Variants in DACH1 observed in about 807,000 individuals in gnomAD.
DACH1 encodes the protein dachshund family transcription factor 1, also known as dachshund homolog 1.
DACH1 carries 12 observed loss-of-function variants against 54.2 expected under a neutral mutation model. The observed-to-expected ratio is 0.22, with a 90% CI of 0.14 to 0.36. The LOEUF is 0.36. Ranked by LOEUF, DACH1 falls within the 10% of genes least tolerant of loss-of-function variation. DACH1 has a pLI of 1.00. For missense variants in DACH1, 805 were observed against 929.8 expected, an observed-to-expected ratio of 0.87 and a Z score of 1.75; for synonymous variants, 386 against 366.2, an observed-to-expected ratio of 1.05 and a Z score of -0.62.
intron 1 of DACH1, among the ~76,000 whole-genome samples, chr13:71,782,220 C>T (rs941840199): frequency 3.9e-5 from 6 of 152,102 alleles, no homozygotes; most frequent in East Asian, 1.9e-4. Flanking sequence ...GCAGGTGGAT[C>T]GCTTGAGGTC....
intron 7 of DACH1, among the ~76,000 whole-genome samples, chr13:71,485,052 T>A (rs945851356): frequency 6.6e-6 from 1 of 151,526 alleles, no homozygotes; most frequent in Non-Finnish European, 1.5e-5. Flanking sequence ...GGAGACTCCG[T>A]CTTAAATTTA....
chr13:71,450,493 C>A (rs1874940761), intron 10 of DACH1, among the ~76,000 whole-genome samples: 1 of 152,068 alleles, frequency 6.6e-6, no homozygotes, highest in Non-Finnish European at 1.5e-5. Flanking sequence ...CCTTGGGGCT[C>A]CCTATTCCCT....
At chr13:71,817,814 CTTTTTTT>C (rs34031888) in intron 1 of DACH1, among the ~76,000 whole-genome samples, 1 of 119,088 alleles carries the variant, frequency 8.4e-6, no homozygotes, top group Non-Finnish European at 1.7e-5. Flanking sequence ...TTCTTTCTTC[CTTTTTTT>C]TTTTTTTTTT....
At chr13:71,607,678 T>C (rs1874974798) in intron 3 of DACH1, among the ~76,000 whole-genome samples, 1 of 152,036 alleles carries the variant, frequency 6.6e-6, no homozygotes, top group Non-Finnish European at 1.5e-5. Flanking sequence ...TGAAAGTGAC[T>C]ACTAAGTTAT....
At chr13:71,492,736 T>G (rs1340384631) in intron 6 of DACH1, among the ~76,000 whole-genome samples, 2 of 151,476 alleles carry the variant, frequency 1.3e-5, no homozygotes, top group Admixed American at 1.3e-4. Flanking sequence ...GTTCTGTGTG[T>G]GTGTGAGTGT....
At chr13:71,760,882 T>C (rs1885376110) in intron 1 of DACH1, among the ~76,000 whole-genome samples, 1 of 152,186 alleles carries the variant, frequency 6.6e-6, no homozygotes, top group African/African-American at 2.4e-5. Context: ...ATAACTTTTC[T>C]TTTTCATAAA....
intron 1 of DACH1, among the ~76,000 whole-genome samples, chr13:71,821,429 A>ATTTAAATTTAAATTTAAATTATAAGAT (rs1888181563): frequency 2.2e-4 from 29 of 131,222 alleles, no homozygotes; most frequent in African/African-American, 8.1e-4. Context: ...AAGATTTTAA[A>ATTTAAATTTAAATTTAAATTATAAGAT]TTTAAATTTA....
At chr13:71,520,984 T>C (rs1364050344) in intron 6 of DACH1, among the ~76,000 whole-genome samples, 1 of 152,044 alleles carries the variant, frequency 6.6e-6, no homozygotes, top group East Asian at 1.9e-4. Flanking sequence ...AGCTCTAAAC[T>C]CTACAGGTCC....
intron 10 of DACH1, among the ~76,000 whole-genome samples, chr13:71,467,655 A>G (rs1345019349): frequency 6.6e-6 from 1 of 152,116 alleles, no homozygotes; most frequent in African/African-American, 2.4e-5. Context: ...GTTAACAATG[A>G]CCTATAATAA....
intron 2 of DACH1, among the ~76,000 whole-genome samples, chr13:71,666,756 T>C (rs1879864808): frequency 6.6e-6 from 1 of 151,988 alleles, no homozygotes. Flanking sequence ...CCAAGGCAGG[T>C]GGGTCACCTG....
At chr13:71,612,102 A>C (rs1875376232) in intron 3 of DACH1, among the ~76,000 whole-genome samples, 1 of 152,162 alleles carries the variant, frequency 6.6e-6, no homozygotes, top group African/African-American at 2.4e-5. Context: ...GGAAAGTGAT[A>C]CATAACAAAG....
chr13:71,676,890 G>C (rs1255495936), intron 2 of DACH1, among the ~76,000 whole-genome samples: 1 of 152,146 alleles, frequency 6.6e-6, no homozygotes, highest in Admixed American at 6.5e-5. Context: ...CAAGATCACA[G>C]TGAGGGAAAA....
At chr13:71,735,917 A>C (rs1190712661) in intron 1 of DACH1, among the ~76,000 whole-genome samples, 1 of 152,134 alleles carries the variant, frequency 6.6e-6, no homozygotes, top group African/African-American at 2.4e-5. Flanking sequence ...GGTAAAATCA[A>C]AGGCACCCTG....
At chr13:71,799,696 C>T (rs1390000265) in intron 1 of DACH1, among the ~76,000 whole-genome samples, 1 of 152,034 alleles carries the variant, frequency 6.6e-6, no homozygotes, top group Non-Finnish European at 1.5e-5. Flanking sequence ...CAAATCTGGC[C>T]ATGTGGTTTT....
intron 1 of DACH1, among the ~76,000 whole-genome samples, chr13:71,841,662 G>A (rs1339503553): frequency 6.6e-6 from 1 of 152,172 alleles, no homozygotes; most frequent in Non-Finnish European, 1.5e-5. Flanking sequence ...TGACACTAGA[G>A]ATAAACAAAT....
intron 6 of DACH1, among the ~76,000 whole-genome samples, chr13:71,490,467 A>T (rs553492538): frequency 6.6e-6 from 1 of 151,720 alleles, no homozygotes; most frequent in African/African-American, 2.4e-5. Flanking sequence ...CCTCCTATTA[A>T]CTCCTCTCAC....
chr13:71,630,666 G>A lies in DACH1; in HGVS notation c.1016C>T (p.Ala339Val). The part of the protein sequence containing the change: ...AAAAATNAAI[A>V]EAMKVKKIKL... ...GATTTTTTTCACCTTCATTGCTTCA[G>A]CAATAGCTGCATTGGTAGCAGCAGC... is the stretch of plus-strand genomic sequence containing the variant. Residue 339 changes from alanine to valine, a missense_variant, in exon 3 of 11, where the codon GCT becomes GTT. This residue lies in a region of DACH1 where 472 missense variants were observed against 545.3 expected (regional missense o/e 0.87). Coordinates refer to ENST00000613252, the MANE Select transcript of DACH1 (RefSeq NM_080759.6). 1 of 1,610,446 alleles carries A rather than the reference G, an allele frequency of 6.2e-7. No individual in the cohort carries two copies. The highest frequency in any genetic ancestry group is 8.5e-7 in the Non-Finnish European group (1 of 1,178,964).
chr13:71,731,738 C>T (rs922587586), intron 1 of DACH1, among the ~76,000 whole-genome samples: 1 of 152,130 alleles, frequency 6.6e-6, no homozygotes, highest in Admixed American at 6.5e-5. Flanking sequence ...ATGCTCAATC[C>T]AACTGGATCC....
chr13:71,589,106 A>ATC (rs1873506000), intron 3 of DACH1, among the ~76,000 whole-genome samples: 1 of 152,030 alleles, frequency 6.6e-6, no homozygotes, highest in Non-Finnish European at 1.5e-5. Context: ...GACAATTTTT[A>ATC]ATAGTAACTC....
Sources: gnomAD v4.1 joint callset for allele counts (sites outside exome capture counted in the v4.1 genomes callset) on GRCh38, gnomAD v4.1.1 for gene constraint, gnomAD v4.1.1 regional missense constraint, MANE v1.5 for transcripts, NCBI Gene and HGNC (gene_info 2026-07-23, HGNC 2026-07-21) for gene names.